Variants in MEAK7 observed in about 807,000 individuals in gnomAD.
MEAK7 encodes the protein MTOR-associated protein MEAK7.
MEAK7 carries 68 observed loss-of-function variants against 40.5 expected under a neutral mutation model. The ratio of observed to expected loss-of-function variants is 1.68; its 90% confidence interval spans 1.38 to 2.06. MEAK7 has a LOEUF of 2.06. Ranked by LOEUF, MEAK7 falls within the 30% of genes most tolerant of loss-of-function variation. The pLI, the probability that MEAK7 is intolerant of heterozygous loss-of-function variation, is 0.00. For synonymous variants in MEAK7, 338 were observed against 231.9 expected, an observed-to-expected ratio of 1.46 and a Z score of -4.16; for missense variants, 918 against 580.5, an observed-to-expected ratio of 1.58 and a Z score of -5.98.
chr16:84,495,831 G>A lies in MEAK7; in HGVS notation c.236C>T (p.Ala79Val), dbSNP rs761142695. 2.3e-5 allele frequency: 37 copies of A among 1,613,884 alleles called. No homozygotes were observed. The highest frequency in any genetic ancestry group is 1.9e-4 in the South Asian group (17 of 91,066). Residue 79 changes from alanine to valine, a missense_variant, in exon 3 of 8, where the codon GCG becomes GTG. Physicochemically the swap from Ala to Val is moderately conservative, Grantham distance 64. Coordinates refer to ENST00000343629, the MANE Select transcript of MEAK7 (RefSeq NM_020947.4). The stretch of plus-strand genomic sequence containing the variant: ...GGACACGTTCTCACTGGGTCCCTTC[G>A]CCTTCCCTGTCAGGTCGACCCTCCG... Reference protein sequence around the residue: ...GMRRVDLTGKAKGPSENVSQE... With the variant: ...GMRRVDLTGKVKGPSENVSQE...
At chr16:84,486,431 G>A (rs886077832) in intron 5 of MEAK7, 200 bp downstream of exon 5, 32 of 1,365,730 alleles carry the variant, frequency 2.3e-5, no homozygotes, top group Non-Finnish European at 3.0e-5. Context: ...AAAACTGGGG[G>A]TCACACGGCC....
chr16:84,492,943 A>T (rs1352250581), intron 3 of MEAK7, among the ~76,000 whole-genome samples: 1 of 152,226 alleles, frequency 6.6e-6, no homozygotes, highest in Admixed American at 6.5e-5. Flanking sequence ...TTCAAAATTC[A>T]GTCCTTTTGA....
intron 5 of MEAK7, 39 bp from the exon 6 acceptor site, chr16:84,482,749 T>C (rs763392398): frequency 3.4e-5 from 54 of 1,610,738 alleles, no homozygotes; most frequent in Non-Finnish European, 4.3e-5. Context: ...AGGGTCGGTG[T>C]CTGAGCCGGT....
At position 84,477,180 on chromosome 16, in the gene MEAK7, C is replaced by T; in HGVS notation, c.*2733G>A. 6.6e-6 allele frequency: 1 copy of T among 152,644 alleles called. No homozygotes were observed. The highest frequency in any genetic ancestry group is 1.5e-5 in the Non-Finnish European group (1 of 68,478). 9.5% of individuals were successfully genotyped at this position (152,644 alleles called of 1,614,324 possible). On this transcript the variant is annotated 3_prime_UTR_variant, in exon 8 of 8. Transcript: ENST00000343629. ...AAAATGCTGGGATTACAGGCGTGAG[C>T]CATCACACCCAGCCTTTTTTTTTTT...
chr16:84,491,408 A>G (rs202098830), intron 3 of MEAK7, among the ~76,000 whole-genome samples: 65,003 of 151,644 alleles, frequency 0.43, 14,613 homozygotes, highest in South Asian at 0.6. Context: ...GTATGGTGAC[A>G]CACACCTGTA....
chr16:84,495,839 T>C lies in MEAK7; in HGVS notation c.228A>G (p.Thr76=), dbSNP rs1913997431. ...LYDGMRRVDL[T]GKAKGPSENV... is the part of the protein sequence containing the mutation. ...TCTCACTGGGTCCCTTCGCCTTCCC[T>C]GTCAGGTCGACCCTCCGCATGCCAT... The change falls in exon 3 of 8, where the codon ACA becomes ACG. Residue 76 remains threonine (T), a synonymous_variant. Transcript: ENST00000343629. 1 of 1,614,124 alleles carries C rather than the reference T, an allele frequency of 6.2e-7. No individual in the cohort carries two copies. The highest frequency in any genetic ancestry group is 8.5e-7 in the Non-Finnish European group (1 of 1,180,006).
chr16:84,487,326 G>T, intron 4 of MEAK7: 1 of 395,602 alleles, frequency 2.5e-6, no homozygotes, highest in Non-Finnish European at 4.5e-6. Context: ...ATTAGAATCA[G>T]TTTTCCCCTG....
intron 6 of MEAK7, among the ~76,000 whole-genome samples, 197 bp downstream of exon 6, chr16:84,482,395 C>T (rs1597922645): frequency 6.6e-6 from 1 of 152,342 alleles, no homozygotes; most frequent in East Asian, 1.9e-4. Flanking sequence ...GAGGCCACAT[C>T]CTTCTCTAAG....
At chr16:84,482,322 C>G (rs185349349) in intron 6 of MEAK7, among the ~76,000 whole-genome samples, 18 of 152,364 alleles carry the variant, frequency 1.2e-4, no homozygotes, top group Admixed American at 1.0e-3. Flanking sequence ...AACCAATCAT[C>G]TGAGGGCCAG....
intron 4 of MEAK7, 24 bp downstream of exon 4, chr16:84,489,254 A>G (rs931527584): frequency 6.2e-7 from 1 of 1,611,402 alleles, no homozygotes; most frequent in African/African-American, 1.3e-5. Context: ...AAAGACCTGC[A>G]TCACCGCGTC....
chr16:84,483,657 G>C (rs389626), intron 5 of MEAK7, among the ~76,000 whole-genome samples: 1 of 152,004 alleles, frequency 6.6e-6, no homozygotes, highest in Non-Finnish European at 1.5e-5. Context: ...TCAGTCTGTA[G>C]AGTGTGGGCT....
At position 84,482,604 on chromosome 16, in the gene MEAK7, G is replaced by C. The variant is rs777880050; in HGVS notation, c.1065C>G (p.Ile355Met). 3 of 1,614,254 alleles carry C rather than the reference G, an allele frequency of 1.9e-6. No individual in the cohort carries two copies. Among genetic ancestry groups the C allele is most frequent in the Non-Finnish European group, 2.5e-6 (3 of 1,180,040 alleles). The change falls in exon 6 of 8, where the codon ATC becomes ATG. Residue 355 changes from isoleucine to methionine, a missense_variant. Physicochemically the swap from Ile to Met is conservative, Grantham distance 10. Coordinates refer to ENST00000343629, the MANE Select transcript of MEAK7 (RefSeq NM_020947.4). ...YMYLNHGQQTIPNGLGMGGQH... is the reference protein window; with the variant it reads ...YMYLNHGQQTMPNGLGMGGQH... ...TGCCCGGGCTCACCAGTCCGTTCGG[G>C]ATCGTCTGCTGTCCATGGTTCAAGT... is the stretch of plus-strand genomic sequence containing the variant.
Position 84,487,004 on chromosome 16 carries a change from C to A in MEAK7, c.585G>T (p.Val195=), listed in dbSNP as rs1387777528. 7.4e-6 allele frequency: 12 copies of A among 1,614,108 alleles called. No homozygotes were observed. In the East Asian group the frequency reaches 2.5e-4, roughly 33 times the overall value. Residue 195 remains valine, a synonymous_variant, in exon 5 of 8, where the codon GTG becomes GTT. Transcript: ENST00000343629. ...GGACCCTGAACACCCAGTCCTCGATCACAGCTCGGTCACAGTCATAGTCCA... is the reference window on the plus strand; with the variant it reads ...GGACCCTGAACACCCAGTCCTCGATAACAGCTCGGTCACAGTCATAGTCCA... ...QWLDYDCDRA[V]IEDWVFRVPH... is the part of the protein sequence containing the mutation.
intron 7 of MEAK7, among the ~76,000 whole-genome samples, chr16:84,480,244 C>G (rs973991967): frequency 2.6e-5 from 4 of 152,026 alleles, no homozygotes; most frequent in Non-Finnish European, 4.4e-5. Flanking sequence ...CGGAAGGAAC[C>G]CTAGACATTC....
At chr16:84,488,118 T>C (rs1023936008) in intron 4 of MEAK7, 2 of 152,208 alleles carry the variant, frequency 1.3e-5, no homozygotes, top group Admixed American at 6.5e-5. Context: ...ATTACCTATA[T>C]ATTACTTGAA....
intron 3 of MEAK7, among the ~76,000 whole-genome samples, chr16:84,494,440 T>C (rs899096007): frequency 1.3e-5 from 2 of 152,222 alleles, no homozygotes; most frequent in African/African-American, 4.8e-5. Flanking sequence ...TATTCCTTTT[T>C]TTCCCCCCAT....
Position 84,482,712 on chromosome 16 carries a change from T to C in MEAK7, c.959-2A>G, listed in dbSNP as rs1482100125. The C allele has an allele frequency of 6.2e-7, 1 of 1,613,948 alleles. No homozygotes were observed. Among genetic ancestry groups the C allele is most frequent in the Admixed American group, 1.7e-5 (1 of 59,992 alleles). ...AGAACAGGAAGCATCTGTTGTCCCC[T>C]GAAAGTAGCCAGAGAACAAAACAAA... On this transcript the variant is annotated splice_acceptor_variant, in intron 5 of 7. Transcript: ENST00000343629. LOFTEE classifies it high-confidence loss of function.
intron 1 of MEAK7, among the ~76,000 whole-genome samples, chr16:84,503,030 C>G (rs1914627135): frequency 6.6e-6 from 1 of 152,168 alleles, no homozygotes. Flanking sequence ...CACAAAACCA[C>G]TCATCCTTGA....
intron 6 of MEAK7, 26 bp from the exon 7 acceptor site, chr16:84,480,734 T>A (rs1912464868): frequency 1.3e-6 from 2 of 1,593,460 alleles, no homozygotes; most frequent in Non-Finnish European, 1.7e-6. Flanking sequence ...GGACAGAGAA[T>A]AGCATCAGCA....
Sources: allele counts gnomAD v4.1 joint callset (sites outside exome capture counted in the v4.1 genomes callset), GRCh38; gene constraint gnomAD v4.1.1; transcripts MANE v1.5; gene names NCBI Gene and HGNC (gene_info 2026-07-23, HGNC 2026-07-21).